PTCD3: variants seen among roughly 807,000 people sequenced by gnomAD.
The protein encoded by PTCD3 is pentatricopeptide repeat domain 3.
PTCD3 carries 89 observed loss-of-function variants against 101.9 expected under a neutral mutation model. The observed-to-expected ratio is 0.87, with a 90% CI of 0.74 to 1.04. PTCD3 has a LOEUF of 1.04. PTCD3 is among the 50% of genes least tolerant of loss of function. The pLI is 0.00. For synonymous variants in PTCD3, 296 were observed against 278.5 expected (o/e 1.06, Z -0.63); for missense variants, 870 against 828.2 (o/e 1.05, Z -0.62).
At chr2:86,107,970 C>T (rs1489593210) in intron 1 of PTCD3, among the ~76,000 whole-genome samples, 2 of 151,644 alleles carry the variant, frequency 1.3e-5, no homozygotes, top group Non-Finnish European at 1.5e-5. Context: ...GCTTCCAAAA[C>T]TTTTGTCTAG....
At chr2:86,113,214 C>T (rs1674121132) in intron 4 of PTCD3, among the ~76,000 whole-genome samples, 1 of 152,192 alleles carries the variant, frequency 6.6e-6, no homozygotes, top group Admixed American at 6.5e-5. Context: ...TTTGTTACTG[C>T]TACTACTGTA....
chr2:86,122,155 A>G (rs1157125271), intron 8 of PTCD3, among the ~76,000 whole-genome samples: 1 of 152,224 alleles, frequency 6.6e-6, no homozygotes, highest in Non-Finnish European at 1.5e-5. Flanking sequence ...AAAACAATCT[A>G]GATGTCCAAC....
At chr2:86,137,280 T>G in intron 23 of PTCD3, 140 bp downstream of exon 23, 1 of 1,304,828 alleles carries the variant, frequency 7.7e-7, no homozygotes, top group Non-Finnish European at 1.0e-6. Context: ...ATTTCATTTG[T>G]CATGCAAGTC....
chr2:86,138,798 C>T lies in PTCD3; in HGVS notation c.*1239C>T, dbSNP rs989110508. The T allele has an allele frequency of 1.3e-5, 2 of 152,196 alleles. No individual in the cohort carries two copies. Among genetic ancestry groups the T allele is most frequent in the African/African-American group, 4.8e-5 (2 of 41,434 alleles). The allele number at this position is 152,196 out of a possible 1,614,324, so 9.4% of individuals were successfully genotyped here. On this transcript the variant is annotated 3_prime_UTR_variant, in exon 24 of 24. Coordinates refer to ENST00000254630, the MANE Select transcript of PTCD3 (RefSeq NM_017952.6). ...GCCTTCAGTCTTGGTTTACAGCTTC[C>T]AAGGAGAGCCTTGGCCACCTGAAAT...
intron 16 of PTCD3, 103 bp from the exon 17 acceptor site, chr2:86,132,215 T>C (rs1441061047): frequency 1.5e-6 from 1 of 652,072 alleles, no homozygotes; most frequent in African/African-American, 1.8e-5. Flanking sequence ...AATAATATGT[T>C]GAATCAACAT....
intron 7 of PTCD3, among the ~76,000 whole-genome samples, chr2:86,120,539 C>T (rs922521014): frequency 6.6e-6 from 1 of 152,196 alleles, no homozygotes; most frequent in Non-Finnish European, 1.5e-5. Flanking sequence ...CCTGCTTTCT[C>T]TTCTGGACTT....
In PTCD3 at chr2:86,108,216, C is replaced by T. The variant is rs1381330021; in HGVS notation, c.105-134C>T. On this transcript the variant is annotated intron_variant, in intron 1 of 23. Transcript: ENST00000254630. The stretch of plus-strand genomic sequence containing the variant: ...TGAACATGTGTACAGACTGTCTTCT[C>T]AGCGTTCATTGACATGAGTTATCCA... 13 of 949,848 alleles carry T rather than the reference C, an allele frequency of 1.4e-5. No homozygotes were observed. In the South Asian group the frequency reaches 2.1e-4, roughly 16 times the overall value. The allele number at this position is 949,848 out of a possible 1,614,324, so 58.8% of individuals were successfully genotyped here.
At chr2:86,127,545 G>T in intron 13 of PTCD3, 1 of 505,406 alleles carries the variant, frequency 2.0e-6, no homozygotes, top group Non-Finnish European at 3.4e-6. Context: ...GAGGAGAAGT[G>T]ATTGCTTTGA....
At chr2:86,113,801 C>G (rs1297065449) in intron 4 of PTCD3, among the ~76,000 whole-genome samples, 1 of 152,010 alleles carries the variant, frequency 6.6e-6, no homozygotes, top group African/African-American at 2.4e-5. Flanking sequence ...ACCCTGTCCC[C>G]CCCGCCACAC....
In PTCD3 at chr2:86,106,337, G is replaced by A; in HGVS notation, c.90G>A (p.Gln30=). The A allele has an allele frequency of 6.2e-7, 1 of 1,614,026 alleles. No homozygotes were observed. Among genetic ancestry groups the A allele is most frequent in the Non-Finnish European group, 8.5e-7 (1 of 1,179,988 alleles). The change falls in exon 1 of 24, where the codon CAG becomes CAA. Residue 30 remains glutamine (Q), a synonymous_variant. Transcript: ENST00000254630. ...LTGRRAGLCE[Q]ARSCRFYSGS... ...GTCGGCGGGCGGGTTTGTGTGAACA[G>A]GCACGCAGCTGCAGGTAAGAGACGC...
intron 21 of PTCD3, 88 bp downstream of exon 21, chr2:86,135,075 T>C (rs1674562016): frequency 1.0e-5 from 15 of 1,445,458 alleles, no homozygotes; most frequent in South Asian, 1.4e-5. Context: ...TTCTTTCATT[T>C]GGCCACATAA....
At chr2:86,124,906 C>T (rs1674355527) in intron 9 of PTCD3, 89 bp from the exon 10 acceptor site, 19 of 1,524,646 alleles carry the variant, frequency 1.2e-5, no homozygotes, top group Non-Finnish European at 1.5e-5. Context: ...TGGCACATTG[C>T]CTAGAACATA....
chr2:86,110,869 C>T (rs1169567589), intron 3 of PTCD3: 1 of 715,820 alleles, frequency 1.4e-6, no homozygotes, highest in Non-Finnish European at 2.6e-6. Flanking sequence ...AAATCACTAG[C>T]CCTGGGTTAT....
At chr2:86,107,786 G>C (rs1673990701) in intron 1 of PTCD3, among the ~76,000 whole-genome samples, 1 of 152,204 alleles carries the variant, frequency 6.6e-6, no homozygotes, top group African/African-American at 2.4e-5. Context: ...AAGTGAGGTA[G>C]TCCTTTCTGA....
intron 4 of PTCD3, 63 bp downstream of exon 4, chr2:86,111,221 G>A (rs1003418715): frequency 9.0e-6 from 12 of 1,333,678 alleles, no homozygotes; most frequent in Middle Eastern, 2.0e-4. Flanking sequence ...TTTTTAACTC[G>A]GCTAATAACA....
chr2:86,127,306 G>A lies in PTCD3; in HGVS notation c.1096+1G>A. On this transcript the variant is annotated splice_donor_variant, in intron 13 of 23. Transcript: ENST00000254630. LOFTEE classifies it high-confidence loss of function. ...CGTGAAATGAAAGCCATTGGAATAG[G>A]TGAGGATGCGCCCTTGAGTTCTCTG... 6.2e-7 allele frequency: 1 copy of A among 1,613,640 alleles called. No homozygotes were observed. The highest frequency in any genetic ancestry group is 8.5e-7 in the Non-Finnish European group (1 of 1,179,754).
In PTCD3 at chr2:86,139,521, A is replaced by C. The variant is rs1199295148; in HGVS notation, c.*1962A>C. 1.3e-5 allele frequency: 2 copies of C among 152,454 alleles called. No homozygotes were observed. Among genetic ancestry groups the C allele is most frequent in the Non-Finnish European group, 2.9e-5 (2 of 68,490 alleles). 9.4% of individuals were successfully genotyped at this position (152,454 alleles called of 1,614,324 possible). A position where few individuals can be genotyped will look rare whatever the true frequency, so the allele number is the denominator to read the frequency against. ...GAGAAACCAGAATTTTGGAAGAGCA[A>C]ATGGGGCTGAGTGCAGTGGCTCATG... On this transcript the variant is annotated 3_prime_UTR_variant, in exon 24 of 24. Coordinates refer to ENST00000254630, the MANE Select transcript of PTCD3 (RefSeq NM_017952.6).
intron 9 of PTCD3, among the ~76,000 whole-genome samples, chr2:86,124,121 GGACACTA>G (rs1179466062): frequency 6.6e-5 from 10 of 152,182 alleles, no homozygotes; most frequent in African/African-American, 2.4e-4. Context: ...AAAATATCAT[GGACACTA>G]GAGTGTACTG....
intron 7 of PTCD3, among the ~76,000 whole-genome samples, chr2:86,121,004 T>C (rs57062037): frequency 0.043 from 6,517 of 152,314 alleles, 492 homozygotes; most frequent in African/African-American, 0.15. Context: ...GGGGACATAA[T>C]GTTTTGAACA....
Sources: gnomAD v4.1 joint callset for allele counts (sites outside exome capture counted in the v4.1 genomes callset) on GRCh38, gnomAD v4.1.1 for gene constraint, MANE v1.5 for transcripts, NCBI Gene and HGNC (gene_info 2026-07-23, HGNC 2026-07-21) for gene names.